The following DOP1A variants were observed in gnomAD, a reference collection of about 807,000 sequenced individuals.
DOP1A encodes the protein DOP1 leucine zipper like protein A.
A neutral mutation model predicts 267.6 loss-of-function variants in DOP1A; 90 were observed. The observed-to-expected ratio is 0.34, with a 90% CI of 0.28 to 0.40. The LOEUF (loss-of-function observed/expected upper bound fraction) is 0.40. Among genes scored for constraint, DOP1A ranks in the 10% least tolerant of loss-of-function variants. The pLI is 1.00. For synonymous variants in DOP1A, 932 were observed against 999.1 expected (o/e 0.93, Z 1.27); for missense variants, 2,437 against 2,900.4 (o/e 0.84, Z 3.67).
Position 83,096,852 on chromosome 6 carries a change from C to T in DOP1A, c.-54+29C>T, listed in dbSNP as rs575783292. 1.2e-5 allele frequency: 13 copies of T among 1,111,566 alleles called. No homozygotes were observed. The East Asian group carries it at 2.1e-4, about 18-fold the overall frequency. 68.9% of individuals were successfully genotyped at this position (1,111,566 alleles called of 1,614,324 possible). On this transcript the variant is annotated intron_variant, in intron 2 of 38. Transcript: ENST00000349129. ...AGGAACATTTTCAAGTTAGTCATTA[C>T]CTTTGTAGTAAGATCATATGAACCC... is the stretch of plus-strand genomic sequence containing the variant.
chr6:83,105,350 GTCTT>G (rs1237138074), intron 4 of DOP1A, among the ~76,000 whole-genome samples: 9 of 117,976 alleles, frequency 7.6e-5, no homozygotes, highest in African/African-American at 2.1e-4. Flanking sequence ...GAACATGGAT[GTCTT>G]TCTTTTTTTT....
chr6:83,145,671 T>A lies in DOP1A; in HGVS notation c.5676+13T>A. The A allele has an allele frequency of 6.2e-7, 1 of 1,608,272 alleles. No homozygotes were observed. ...AGCCAAGGACAAGGTAAGAAAAAAC[T>A]CTTCTTCACATGTGTTTACAATTCT... On this transcript the variant is annotated intron_variant, in intron 25 of 38. Transcript: ENST00000349129.
intron 38 of DOP1A, chr6:83,167,319 G>T: frequency 8.1e-6 from 8 of 985,484 alleles, no homozygotes; most frequent in Non-Finnish European, 9.6e-6. Context: ...TGTCTCCTGA[G>T]GGATCCCTTC....
At chr6:83,121,160 A>G (rs916702072) in intron 10 of DOP1A, among the ~76,000 whole-genome samples, 7 of 151,824 alleles carry the variant, frequency 4.6e-5, no homozygotes, top group African/African-American at 1.7e-4. Flanking sequence ...TCTTCTCCAC[A>G]TTCCCTTTAT....
chr6:83,168,925 ATTTTCCAGTAGCCTGCATG>A (rs1444604409), downstream of DOP1A: 5 of 1,094,908 alleles, frequency 4.6e-6, no homozygotes, highest in Non-Finnish European at 5.6e-6. Flanking sequence ...ATAAGATTTA[ATTTTCCAGTAGCCTGCATG>A]AATTGTTCCC....
intron 1 of DOP1A, among the ~76,000 whole-genome samples, chr6:83,074,752 C>T (rs1766752478): frequency 6.6e-6 from 1 of 152,212 alleles, no homozygotes; most frequent in Non-Finnish European, 1.5e-5. Flanking sequence ...CTTAACACTA[C>T]TGAACTATAC....
Position 83,137,217 on chromosome 6 carries a change from C to T in DOP1A, c.3175C>T (p.Pro1059Ser), listed in dbSNP as rs1471224542. The T allele has an allele frequency of 8.8e-6, 14 of 1,589,772 alleles. No individual in the cohort carries two copies. Among genetic ancestry groups the T allele is most frequent in the African/African-American group, 4.0e-5 (3 of 74,150 alleles). Residue 1059 changes from proline (P) to serine (S), a missense_variant, in exon 21 of 39, where the codon CCA becomes TCA. Pro to Ser is a moderately conservative substitution (Grantham distance 74). Coordinates refer to ENST00000349129, the MANE Select transcript of DOP1A (RefSeq NM_015018.4). ...LITSKGNGEK[P>S]LTMDEIENFS... Reference sequence around the variant, plus strand: ...CACATCAAAAGGAAATGGTGAAAAGCCACTTACCATGGATGAAATAGAGAA... The same window carrying T: ...CACATCAAAAGGAAATGGTGAAAAGTCACTTACCATGGATGAAATAGAGAA...
At position 83,108,898 on chromosome 6, in the gene DOP1A, T is replaced by C. The variant is rs767749362; in HGVS notation, c.321-12T>C. ...TTTGCTTCCTTCTCCTTTGTCTTTA[T>C]TTTTTTAATAGTTCTGGATTATTTC... On this transcript the variant is annotated splice_polypyrimidine_tract_variant and intron_variant, in intron 4 of 38. Coordinates refer to ENST00000349129, the MANE Select transcript of DOP1A (RefSeq NM_015018.4). The C allele has an allele frequency of 6.2e-7, 1 of 1,603,300 alleles. No individual in the cohort carries two copies. Among genetic ancestry groups the C allele is most frequent in the Non-Finnish European group, 8.5e-7 (1 of 1,174,912 alleles).
chr6:83,088,454 C>T (rs1167385565), intron 1 of DOP1A, among the ~76,000 whole-genome samples: 2 of 124,660 alleles, frequency 1.6e-5, no homozygotes, highest in South Asian at 2.7e-4. Flanking sequence ...GATGGAGTCT[C>T]ACTCTGTCCC....
chr6:83,116,636 C>T (rs1413678362), intron 7 of DOP1A, among the ~76,000 whole-genome samples: 1 of 152,048 alleles, frequency 6.6e-6, no homozygotes. Context: ...ATGGTGAAAC[C>T]CCATGCTCTA....
rs561129959 is a variant in DOP1A, at chr6:83,125,299, T to C, written c.1485+104T>C. 3.3e-6 allele frequency: 4 copies of C among 1,210,794 alleles called. No individual in the cohort carries two copies. In the South Asian group the frequency reaches 6.3e-5, roughly 19 times the overall value. The allele number at this position is 1,210,794 out of a possible 1,614,324, so 75.0% of individuals were successfully genotyped here. On this transcript the variant is annotated intron_variant, in intron 14 of 38. Transcript: ENST00000349129. ...AAAACTGGGGTTATTTTATAATATATGCTTTGAAGTATTTAAATTGAGAAT... is the reference window on the plus strand; with the variant it reads ...AAAACTGGGGTTATTTTATAATATACGCTTTGAAGTATTTAAATTGAGAAT...
intron 1 of DOP1A, among the ~76,000 whole-genome samples, chr6:83,093,689 C>T (rs1468653531): frequency 5.3e-5 from 8 of 152,126 alleles, no homozygotes; most frequent in South Asian, 2.1e-4. Context: ...AGGCAGATGA[C>T]GAGGTCAGGA....
chr6:83,161,971 T>C (rs1026768807), intron 37 of DOP1A, among the ~76,000 whole-genome samples: 9 of 152,144 alleles, frequency 5.9e-5, no homozygotes, highest in South Asian at 2.1e-4. Flanking sequence ...TTAAAAAGAA[T>C]GAAGTTTTAT....
Position 83,108,886 on chromosome 6 carries a change from CCTTTGT to C in DOP1A, c.321-19_321-14del, listed in dbSNP as rs1582965584. 1 of 1,597,242 alleles carries C rather than the reference CCTTTGT, an allele frequency of 6.3e-7. No homozygotes were observed. Among genetic ancestry groups the C allele is most frequent in the African/African-American group, 1.3e-5 (1 of 74,252 alleles). The stretch of plus-strand genomic sequence containing the variant: ...TTGTATAGTTATTTTGCTTCCTTCT[CCTTTGT>C]CTTTATTTTTTTAATAGTTCTGGAT... On this transcript the variant is annotated intron_variant, in intron 4 of 38. Transcript: ENST00000349129.
intron 15 of DOP1A, 29 bp from the exon 16 acceptor site, chr6:83,128,858 C>T: frequency 2.6e-6 from 4 of 1,511,826 alleles, no homozygotes; most frequent in Non-Finnish European, 3.5e-6. Flanking sequence ...TGCTACTCAG[C>T]CTTTTGTTTT....
Position 83,162,937 on chromosome 6 carries a change from G to T in DOP1A, c.7092+18G>T, listed in dbSNP as rs1784566135. ...GAGCAAAGGTATCGCATTCTTTTGT[G>T]ATTGTTTTGTTTTACATCACTACAT... On this transcript the variant is annotated intron_variant, in intron 38 of 38. Coordinates refer to ENST00000349129, the MANE Select transcript of DOP1A (RefSeq NM_015018.4). 6.2e-7 allele frequency: 1 copy of T among 1,604,940 alleles called. No individual in the cohort carries two copies. Among genetic ancestry groups the T allele is most frequent in the South Asian group, 1.1e-5 (1 of 89,658 alleles).
chr6:83,068,071 G>A, intron 1 of DOP1A, among the ~76,000 whole-genome samples: 1 of 152,228 alleles, frequency 6.6e-6, no homozygotes. Context: ...AGGCGGGGCC[G>A]GGGAGCCGGG....
intron 3 of DOP1A, among the ~76,000 whole-genome samples, chr6:83,099,383 A>G (rs1417829521): frequency 6.6e-6 from 1 of 152,174 alleles, no homozygotes; most frequent in African/African-American, 2.4e-5. Context: ...TTATTCCTTT[A>G]CAACATCCAC....
rs1176947063 is a variant in DOP1A, at chr6:83,168,391, T to G, written c.*224T>G. On this transcript the variant is annotated 3_prime_UTR_variant, in exon 39 of 39. Coordinates refer to ENST00000349129, the MANE Select transcript of DOP1A (RefSeq NM_015018.4). ...TTATGGTGCCTAAGAGAGCTATATA[T>G]ATACACATGTAAAGTCCATTGTTTT... 2 of 1,301,872 alleles carry G rather than the reference T, an allele frequency of 1.5e-6. No individual in the cohort carries two copies. Among genetic ancestry groups the G allele is most frequent in the African/African-American group, 1.5e-5 (1 of 66,778 alleles). 80.6% of individuals were successfully genotyped at this position (1,301,872 alleles called of 1,614,324 possible).
Sources: gnomAD v4.1 joint callset for allele counts (sites outside exome capture counted in the v4.1 genomes callset) on GRCh38, gnomAD v4.1.1 for gene constraint, MANE v1.5 for transcripts, NCBI Gene and HGNC (gene_info 2026-07-23, HGNC 2026-07-21) for gene names.